COG3: variants seen among roughly 807,000 people sequenced by gnomAD.
COG3 encodes the protein component of oligomeric golgi complex 3, also known as conserved oligomeric Golgi complex subunit 3.
In COG3, 32 loss-of-function variants were observed where a neutral mutation model predicts 114.1. That is an observed-to-expected ratio of 0.28 (90% confidence interval 0.21 to 0.38). COG3 has a LOEUF of 0.38. Ranked by LOEUF, COG3 falls within the 10% of genes least tolerant of loss-of-function variation. The pLI, the probability that COG3 is intolerant of heterozygous loss-of-function variation, is 1.00. For synonymous variants in COG3, 352 were observed against 365.7 expected (o/e 0.96, Z 0.43); for missense variants, 813 against 973.2 (o/e 0.84, Z 2.19).
intron 1 of COG3, among the ~76,000 whole-genome samples, chr13:45,474,864 T>G (rs2985999): frequency 0.68 from 103,763 of 152,028 alleles, 38,250 homozygotes; most frequent in Non-Finnish European, 0.81. Flanking sequence ...AACTGAGAGC[T>G]GAAAACTGGA....
In COG3 at chr13:45,483,285, A is replaced by C. The variant is rs1886365861; in HGVS notation, c.773A>C (p.Lys258Thr). The change falls in exon 7 of 23, where the codon AAA becomes ACA. Residue 258 changes from lysine (K) to threonine (T), a missense_variant. Lys to Thr is a moderately conservative substitution (Grantham distance 78). Transcript: ENST00000349995. ...CTGAAGTTTAAACAGTGTCTTTCTA[A>C]AGCTTTGCACCTCATGAAGACATAT... Reference protein sequence around the residue: ...YLLKFKQCLSKALHLMKTYTV... With the variant: ...YLLKFKQCLSTALHLMKTYTV... 6.3e-7 allele frequency: 1 copy of C among 1,586,738 alleles called. No individual in the cohort carries two copies. Among genetic ancestry groups the C allele is most frequent in the Non-Finnish European group, 8.7e-7 (1 of 1,155,588 alleles).
intron 8 of COG3, among the ~76,000 whole-genome samples, chr13:45,489,242 G>A (rs1398592712): frequency 6.1e-5 from 2 of 32,770 alleles, no homozygotes; most frequent in Non-Finnish European, 1.1e-4. Flanking sequence ...AATTTTTTTT[G>A]ACAAAGTGAG....
In COG3 at chr13:45,534,964, C is replaced by A; in HGVS notation, c.*233C>A. The A allele has an allele frequency of 8.1e-7, 1 of 1,237,616 alleles. No homozygotes were observed. The highest frequency in any genetic ancestry group is 1.0e-6 in the Non-Finnish European group (1 of 991,730). The allele number at this position is 1,237,616 out of a possible 1,614,324, so 76.7% of individuals were successfully genotyped here. Reference sequence around the variant, plus strand: ...TTAATCTGTGATTGGTGATAACTGCCTCGTTTAAATGGTCACAAGAAATGT... The same window carrying A: ...TTAATCTGTGATTGGTGATAACTGCATCGTTTAAATGGTCACAAGAAATGT... On this transcript the variant is annotated 3_prime_UTR_variant, in exon 23 of 23. Coordinates refer to ENST00000349995, the MANE Select transcript of COG3 (RefSeq NM_031431.4).
At position 45,535,979 on chromosome 13, in the gene COG3, A is replaced by G; in HGVS notation, c.*1248A>G. On this transcript the variant is annotated 3_prime_UTR_variant, in exon 23 of 23. Coordinates refer to ENST00000349995, the MANE Select transcript of COG3 (RefSeq NM_031431.4). ...ACCTTTTGGTGCAGTGGGTGCCTGTAACTCATTAGACGTACTGAGGCAGCA... is the reference window on the plus strand; with the variant it reads ...ACCTTTTGGTGCAGTGGGTGCCTGTGACTCATTAGACGTACTGAGGCAGCA... 1 of 536,382 alleles carries G rather than the reference A, an allele frequency of 1.9e-6. No homozygotes were observed. The highest frequency in any genetic ancestry group is 2.4e-6 in the Non-Finnish European group (1 of 418,184). 33.2% of individuals were successfully genotyped at this position (536,382 alleles called of 1,614,324 possible). A position where few individuals can be genotyped will look rare whatever the true frequency, so the allele number is the denominator to read the frequency against.
intron 14 of COG3, among the ~76,000 whole-genome samples, chr13:45,504,280 A>G (rs554261085): frequency 6.6e-6 from 1 of 152,298 alleles, no homozygotes; most frequent in Admixed American, 6.5e-5. Flanking sequence ...TGCCCATCTG[A>G]CAAAGTCATT....
chr13:45,522,141 C>T (rs941728065), intron 19 of COG3, among the ~76,000 whole-genome samples: 1 of 151,952 alleles, frequency 6.6e-6, no homozygotes, highest in Non-Finnish European at 1.5e-5. Flanking sequence ...CCTTGATAAA[C>T]GGTTGCAGGA....
rs1869372206 is a variant in COG3 at position 45,500,155 on chromosome 13, G to A, written c.1489-3089G>A. On this transcript the variant is annotated intron_variant, in intron 13 of 22. Coordinates refer to ENST00000349995, the MANE Select transcript of COG3 (RefSeq NM_031431.4). ...ATTATTTTATTTGAAAAATTCCAAA[G>A]GCAGTTTTGGTGCTGGTGAATTTAA... Among the ~76,000 whole-genome samples, 12 of 150,668 alleles carry A rather than the reference G, an allele frequency of 8.0e-5. No individual in the cohort carries two copies. The South Asian group carries it at 2.5e-3, about 32-fold the overall frequency.
intron 1 of COG3, among the ~76,000 whole-genome samples, chr13:45,467,558 C>T (rs866152122): frequency 7.9e-5 from 12 of 152,300 alleles, no homozygotes; most frequent in African/African-American, 2.9e-4. Context: ...CACCACTGCG[C>T]TCCAGCCTGG....
intron 19 of COG3, among the ~76,000 whole-genome samples, chr13:45,523,973 A>T (rs1170638268): frequency 1.3e-5 from 2 of 152,204 alleles, no homozygotes; most frequent in Non-Finnish European, 2.9e-5. Flanking sequence ...ATGAAGAGGG[A>T]TGGAGTGAGA....
At chr13:45,474,433 A>T (rs528296573) in intron 1 of COG3, among the ~76,000 whole-genome samples, 6 of 152,192 alleles carry the variant, frequency 3.9e-5, no homozygotes, top group African/African-American at 1.2e-4. Flanking sequence ...AAGTGCTGGG[A>T]TTACAGGCGT....
Position 45,489,177 on chromosome 13 carries a change from ACT to A in COG3, c.925-1735_925-1734del, listed in dbSNP as rs761330869. On this transcript the variant is annotated intron_variant, in intron 8 of 22. Coordinates refer to ENST00000349995, the MANE Select transcript of COG3 (RefSeq NM_031431.4). Reference sequence around the variant, plus strand: ...ACTCCAGCCTGGGTGACAAAGTGAGACTCTGTTTCAAAAAAAAAAAAAAAAAA... The same window carrying A: ...ACTCCAGCCTGGGTGACAAAGTGAGACTGTTTCAAAAAAAAAAAAAAAAAA... Among the ~76,000 whole-genome samples, 488 of 106,342 alleles carry A rather than the reference ACT, an allele frequency of 4.6e-3. 1 individual carries two copies. Among genetic ancestry groups the A allele is most frequent in the Middle Eastern group, 0.014 (3 of 222 alleles). 69.8% of individuals were successfully genotyped at this position (106,342 alleles called of 152,430 possible). A position where few individuals can be genotyped will look rare whatever the true frequency, so the allele number is the denominator to read the frequency against.
rs772298471 is a variant in COG3, at chr13:45,516,156, G to T, written c.1823G>T (p.Gly608Val). ...SISKNKTQID[G>V]QLFLIKHLLI... The stretch of plus-strand genomic sequence containing the variant: ...CTTATAATTTAGACTCAGATTGATG[G>T]ACAACTTTTCTTAATTAAGCACCTT... Residue 608 changes from glycine to valine, a missense_variant, in exon 17 of 23, where the codon GGA becomes GTA. Physicochemically the swap from Gly to Val is moderately radical, Grantham distance 109. Around this residue, in one of 2 missense-constraint regions of COG3, gnomAD observed 389 missense variants for 542.6 expected, o/e 0.72. Transcript: ENST00000349995. 6.4e-7 allele frequency: 1 copy of T among 1,568,438 alleles called. No homozygotes were observed.
At position 45,536,487 on chromosome 13, in the gene COG3, A is replaced by T. The variant is rs540458819; in HGVS notation, c.*1756A>T. 1.5e-3 allele frequency: 222 copies of T among 152,332 alleles called. 2 individuals carry two copies. The highest frequency in any genetic ancestry group is 4.5e-3 in the African/African-American group (188 of 41,578). 9.4% of individuals were successfully genotyped at this position (152,332 alleles called of 1,614,324 possible). On this transcript the variant is annotated 3_prime_UTR_variant, in exon 23 of 23. Transcript: ENST00000349995. Reference sequence around the variant, plus strand: ...GTTTGCTAAATGATTATTTGTTTAAATCTGTACAGTTTTAAGTGTTCACTT... The same window carrying T: ...GTTTGCTAAATGATTATTTGTTTAATTCTGTACAGTTTTAAGTGTTCACTT...
intron 22 of COG3, among the ~76,000 whole-genome samples, chr13:45,532,656 G>A (rs1453987476): frequency 7.4e-6 from 1 of 135,048 alleles, no homozygotes; most frequent in East Asian, 2.5e-4. Flanking sequence ...TGCAAGCTCC[G>A]CCTCCCGGGT....
Position 45,465,197 on chromosome 13 carries a change from C to T in COG3, c.161C>T (p.Pro54Leu), listed in dbSNP as rs777312080. The T allele has an allele frequency of 5.6e-6, 9 of 1,613,510 alleles. No homozygotes were observed. The East Asian group carries it at 1.1e-4, about 20-fold the overall frequency. Residue 54 changes from proline (P) to leucine (L), a missense_variant, in exon 1 of 23, where the codon CCG becomes CTG. Physicochemically the swap from Pro to Leu is moderately conservative, Grantham distance 98. This residue lies in a region of COG3 where 424 missense variants were observed against 430.6 expected (regional missense o/e 0.98). Transcript: ENST00000349995. ...CTGAAGGCGGCGGCAGAGAACTTGC[C>T]GGTGCCAGCTGAGGTGAGGTGATGG... ...LELKAAAENLPVPAELPIEDL... is the reference protein window; with the variant it reads ...LELKAAAENLLVPAELPIEDL...
chr13:45,530,684 T>A lies in COG3; in HGVS notation c.2361T>A (p.Asn787Lys). ...GATCTCCTCTCCTCCTTTCTAAGAA[T>A]AATATTCAGCAAGTCTTCCAGAAGT... ...TEFILFKPVR[N>K]NIQQVFQKFH... is the part of the protein sequence containing the mutation. The change falls in exon 22 of 23, where the codon AAT (asparagine) becomes AAA (lysine). Residue 787 changes from asparagine (N) to lysine (K), a missense_variant and splice_region_variant. This residue lies in a region of COG3 where 389 missense variants were observed against 542.6 expected (regional missense o/e 0.72). Coordinates refer to ENST00000349995, the MANE Select transcript of COG3 (RefSeq NM_031431.4). The A allele has an allele frequency of 6.3e-7, 1 of 1,588,432 alleles. No individual in the cohort carries two copies. Among genetic ancestry groups the A allele is most frequent in the Non-Finnish European group, 8.6e-7 (1 of 1,156,778 alleles).
intron 1 of COG3, 101 bp downstream of exon 1, chr13:45,465,311 T>G (rs1885066006): frequency 1.4e-6 from 2 of 1,460,882 alleles, no homozygotes; most frequent in Admixed American, 2.6e-5. Context: ...CCAGGATATC[T>G]CTCCACTCCT....
Position 45,534,754 on chromosome 13 carries a change from C to A in COG3, c.*23C>A, listed in dbSNP as rs535438335. 6 of 1,551,552 alleles carry A rather than the reference C, an allele frequency of 3.9e-6. No individual in the cohort carries two copies. The South Asian group carries it at 4.8e-5, about 12-fold the overall frequency. The stretch of plus-strand genomic sequence containing the variant: ...TAAGCAGGCCAGCCGGGCTGTGCAC[C>A]TAAATGTCTGTCTGGGAGGAGCAGG... On this transcript the variant is annotated 3_prime_UTR_variant, in exon 23 of 23. Transcript: ENST00000349995.
chr13:45,518,889 C>T (rs112615118), intron 18 of COG3, 39 bp downstream of exon 18: 43 of 1,609,728 alleles, frequency 2.7e-5, no homozygotes, highest in South Asian at 2.0e-4. Context: ...GGGAGATAAA[C>T]GACATTCTTT....
Sources: gnomAD v4.1 joint callset for allele counts (sites outside exome capture counted in the v4.1 genomes callset) on GRCh38, gnomAD v4.1.1 for gene constraint, gnomAD v4.1.1 regional missense constraint, MANE v1.5 for transcripts, NCBI Gene and HGNC (gene_info 2026-07-23, HGNC 2026-07-21) for gene names.